The following KIF6 variants were observed in gnomAD, a reference collection of about 807,000 sequenced individuals.
KIF6 encodes the protein kinesin family member 6, also known as kinesin-like protein KIF6.
KIF6 carries 106 observed loss-of-function variants against 112.7 expected under a neutral mutation model. The ratio of observed to expected loss-of-function variants is 0.94; its 90% confidence interval spans 0.80 to 1.11. The LOEUF is 1.11. Ranked by LOEUF, KIF6 falls within the 50% of genes least tolerant of loss-of-function variation. The pLI is 0.00. For missense variants in KIF6, 929 were observed against 964.0 expected (o/e 0.96, Z 0.48); for synonymous variants, 339 against 339.9 (o/e 1.00, Z 0.03).
At chr6:39,362,564 A>T in intron 16 of KIF6, 46 bp from the exon 17 acceptor site, 1 of 1,363,156 alleles carries the variant, frequency 7.3e-7, no homozygotes, top group Non-Finnish European at 1.1e-6. Flanking sequence ...GAAGGGTAAA[A>T]GGAAGAGTGT....
chr6:39,692,796 T>G (rs1257760166), intron 3 of KIF6, among the ~76,000 whole-genome samples: 3 of 152,212 alleles, frequency 2.0e-5, no homozygotes, highest in Non-Finnish European at 2.9e-5. Context: ...TTAAAGGATT[T>G]GCAATACATG....
At chr6:39,556,258 A>C (rs1005051431) in intron 10 of KIF6, among the ~76,000 whole-genome samples, 15 of 152,338 alleles carry the variant, frequency 9.8e-5, no homozygotes, top group Non-Finnish European at 1.6e-4. Flanking sequence ...GTCTATAATA[A>C]ATAAGAAACT....
chr6:39,605,557 G>A (rs1350215350), intron 6 of KIF6, among the ~76,000 whole-genome samples: 5 of 151,858 alleles, frequency 3.3e-5, no homozygotes, highest in African/African-American at 1.2e-4. Flanking sequence ...ACACACCAAG[G>A]AGAATTTAGA....
chr6:39,336,631 G>T, intron 22 of KIF6, 83 bp from the exon 23 acceptor site: 5 of 1,195,984 alleles, frequency 4.2e-6, no homozygotes, highest in Non-Finnish European at 6.2e-6. Flanking sequence ...GGGAGGGGAG[G>T]CCACCAGCCA....
At chr6:39,531,712 G>A (rs149068872) in intron 13 of KIF6, among the ~76,000 whole-genome samples, 1 of 152,158 alleles carries the variant, frequency 6.6e-6, no homozygotes, top group Non-Finnish European at 1.5e-5. Flanking sequence ...ACACCAGGGG[G>A]CCAATCCTCA....
chr6:39,379,572 G>T (rs1237705591), intron 16 of KIF6, among the ~76,000 whole-genome samples: 1 of 152,226 alleles, frequency 6.6e-6, no homozygotes, highest in Non-Finnish European at 1.5e-5. Flanking sequence ...AGCAGATTTT[G>T]GGAGAAGGGG....
chr6:39,673,558 C>T (rs1786963431), intron 3 of KIF6, among the ~76,000 whole-genome samples: 1 of 152,022 alleles, frequency 6.6e-6, no homozygotes, highest in East Asian at 1.9e-4. Context: ...GAGTTTATAA[C>T]CTACAGGAAC....
chr6:39,476,603 T>A (rs1361354511), intron 13 of KIF6, among the ~76,000 whole-genome samples: 1 of 152,156 alleles, frequency 6.6e-6, no homozygotes, highest in Non-Finnish European at 1.5e-5. Context: ...TCTTATTTTA[T>A]CTCTCTTCCT....
At chr6:39,602,078 T>TAA (rs1162441527) in intron 6 of KIF6, among the ~76,000 whole-genome samples, 31 of 152,306 alleles carry the variant, frequency 2.0e-4, no homozygotes, top group Non-Finnish European at 3.5e-4. Context: ...TTTTAAATGC[T>TAA]ATCAGAAAAG....
At chr6:39,503,570 A>G (rs1400750362) in intron 13 of KIF6, among the ~76,000 whole-genome samples, 4 of 151,754 alleles carry the variant, frequency 2.6e-5, no homozygotes, top group African/African-American at 4.8e-5. Context: ...ATAAAAATAG[A>G]CAACTAAGCT....
chr6:39,650,390 C>T (rs1436710339), intron 3 of KIF6, among the ~76,000 whole-genome samples: 1 of 151,918 alleles, frequency 6.6e-6, no homozygotes. Flanking sequence ...AGAAAATGAC[C>T]CCTTCTGAAC....
At chr6:39,583,220 G>A (rs1191885664) in intron 9 of KIF6, 3 of 241,740 alleles carry the variant, frequency 1.2e-5, no homozygotes, top group Non-Finnish European at 2.6e-5. Flanking sequence ...ACTAGTTTTT[G>A]TCTTGGGGCT....
chr6:39,548,986 T>G (rs1361034171), intron 10 of KIF6, among the ~76,000 whole-genome samples: 13 of 152,206 alleles, frequency 8.5e-5, no homozygotes. Context: ...TAATTTAGTG[T>G]GTCTGAACAC....
chr6:39,499,298 G>A (rs1414719609), intron 13 of KIF6, among the ~76,000 whole-genome samples: 1 of 152,088 alleles, frequency 6.6e-6, no homozygotes, highest in Non-Finnish European at 1.5e-5. Context: ...GGCACAGGCA[G>A]TGTCTTAAAG....
chr6:39,645,880 A>G (rs1158918889), intron 3 of KIF6, among the ~76,000 whole-genome samples: 1 of 152,130 alleles, frequency 6.6e-6, no homozygotes, highest in Non-Finnish European at 1.5e-5. Context: ...ACAAAAAACC[A>G]AACACCACAT....
At chr6:39,460,374 T>G (rs1581906299) in intron 13 of KIF6, among the ~76,000 whole-genome samples, 2 of 55,216 alleles carry the variant, frequency 3.6e-5, no homozygotes, top group Non-Finnish European at 6.2e-5. Context: ...GGGACTGTGG[T>G]GGGGTGGGGG....
In KIF6 at chr6:39,660,389, G is replaced by A. The variant is rs957058269; in HGVS notation, c.252-20632C>T. 2.6e-5 allele frequency among the ~76,000 whole-genome samples: 4 copies of A among 152,098 alleles called. No individual in the cohort carries two copies. In the East Asian group the frequency reaches 5.8e-4, roughly 22 times the overall value. On this transcript the variant is annotated intron_variant, in intron 3 of 22. Coordinates refer to ENST00000287152, the MANE Select transcript of KIF6 (RefSeq NM_145027.6). ...CCTAAGCACAGAATCTTTCTCAACC[G>A]CTTGAGGTATCATCAAATCATCTCA... is the stretch of plus-strand genomic sequence containing the variant.
chr6:39,715,015 G>A (rs1307186489), intron 2 of KIF6: 9 of 336,242 alleles, frequency 2.7e-5, no homozygotes, highest in South Asian at 5.6e-5. Context: ...AACTGCAGCA[G>A]CTTTGAACCA....
chr6:39,431,129 C>G lies in KIF6; in HGVS notation c.1678G>C (p.Glu560Gln), dbSNP rs752901349. The change falls in exon 14 of 23, where the codon GAG becomes CAG. Residue 560 changes from glutamate (E) to glutamine (Q), a missense_variant. Transcript: ENST00000287152. ...MREEMSLGCQ[E>Q]AFEIFKRDHA... ...TCCCTCTTGAAGATTTCAAAAGCCT[C>G]CTGGCATCCTAATGACATTTCCTCT... 6.2e-7 allele frequency: 1 copy of G among 1,612,264 alleles called. No individual in the cohort carries two copies. The highest frequency in any genetic ancestry group is 8.5e-7 in the Non-Finnish European group (1 of 1,178,388).
Sources: allele counts gnomAD v4.1 joint callset (sites outside exome capture counted in the v4.1 genomes callset), GRCh38; gene constraint gnomAD v4.1.1; transcripts MANE v1.5; gene names NCBI Gene and HGNC (gene_info 2026-07-23, HGNC 2026-07-21).